GAB1: variants seen among roughly 807,000 people sequenced by gnomAD.
GAB1 encodes GRB2 associated binding protein 1.
A neutral mutation model predicts 66.5 loss-of-function variants in GAB1; 19 were observed. That is an observed-to-expected ratio of 0.29 (90% CI 0.20 to 0.42). The LOEUF (loss-of-function observed/expected upper bound fraction) is 0.42, where lower values mean the gene tolerates loss of function less well. Among genes scored for constraint, GAB1 ranks in the 10% least tolerant of loss-of-function variants. The probability of loss-of-function intolerance (pLI) is 1.00; values close to 1 mark genes in which losing one functional copy is unlikely to be tolerated. For synonymous variants in GAB1, 294 were observed against 301.4 expected, an observed-to-expected ratio of 0.98 and a Z score of 0.25; for missense variants, 732 against 858.5, an observed-to-expected ratio of 0.85 and a Z score of 1.84.
chr4:143,341,348 A>T (rs1179228639), intron 1 of GAB1, among the ~76,000 whole-genome samples: 2 of 152,250 alleles, frequency 1.3e-5, no homozygotes, highest in African/African-American at 4.8e-5. Context: ...TGAAATTTTC[A>T]TCAGAACCTG....
chr4:143,434,369 T>A (rs1560767240), intron 3 of GAB1, among the ~76,000 whole-genome samples: 2 of 149,984 alleles, frequency 1.3e-5, no homozygotes, highest in East Asian at 3.9e-4. Flanking sequence ...TATTTATCTT[T>A]TTTTTTTTTT....
chr4:143,464,969 T>G (rs1377903470), intron 8 of GAB1, among the ~76,000 whole-genome samples: 2 of 152,238 alleles, frequency 1.3e-5, no homozygotes, highest in Non-Finnish European at 2.9e-5. Context: ...TGTATAAATT[T>G]TTAACTTTGT....
chr4:143,471,536 C>T lies in GAB1; in HGVS notation c.*2347C>T, dbSNP rs1179423163. ...TCACATTTATGCTTATTCATTTTGG[C>T]TCATTACTAAGCATAATAAGATTCT... On this transcript the variant is annotated 3_prime_UTR_variant, in exon 10 of 10. Transcript: ENST00000262994. 3.3e-5 allele frequency: 5 copies of T among 152,132 alleles called. No homozygotes were observed. The highest frequency in any genetic ancestry group is 5.9e-5 in the Non-Finnish European group (4 of 68,022). The allele number at this position is 152,132 out of a possible 1,614,324, so 9.4% of individuals were successfully genotyped here.
At chr4:143,380,932 G>T (rs1730634189) in intron 1 of GAB1, among the ~76,000 whole-genome samples, 1 of 152,182 alleles carries the variant, frequency 6.6e-6, no homozygotes, top group Admixed American at 6.5e-5. Context: ...CTGTTGTGTT[G>T]GAATTTTACT....
chr4:143,377,184 G>T (rs1046566192), intron 1 of GAB1, among the ~76,000 whole-genome samples: 1 of 151,882 alleles, frequency 6.6e-6, no homozygotes, highest in African/African-American at 2.4e-5. Context: ...TTTCCGAAAA[G>T]TTGTGGATGA....
intron 1 of GAB1, among the ~76,000 whole-genome samples, chr4:143,346,900 G>C (rs1277036251): frequency 3.3e-5 from 5 of 152,146 alleles, no homozygotes; most frequent in Admixed American, 3.3e-4. Context: ...AAAGAAAAAG[G>C]CACACAATTA....
intron 1 of GAB1, among the ~76,000 whole-genome samples, chr4:143,340,772 G>A (rs1435325046): frequency 2.0e-5 from 3 of 152,192 alleles, no homozygotes; most frequent in African/African-American, 7.2e-5. Flanking sequence ...AAAGTCCTGG[G>A]ATTACAGGCA....
At chr4:143,460,010 A>G (rs1735400589) in intron 7 of GAB1, among the ~76,000 whole-genome samples, 2 of 151,056 alleles carry the variant, frequency 1.3e-5, no homozygotes, top group Non-Finnish European at 3.0e-5. Context: ...TATGTTGAAC[A>G]TATGTTCATG....
At chr4:143,352,263 T>C (rs964862540) in intron 1 of GAB1, among the ~76,000 whole-genome samples, 10 of 152,230 alleles carry the variant, frequency 6.6e-5, no homozygotes, top group South Asian at 4.1e-4. Flanking sequence ...ATAAATTACA[T>C]GTAATCAAGT....
Position 143,440,250 on chromosome 4 carries a change from T to C in GAB1, c.1453T>C (p.Phe485Leu), listed in dbSNP as rs1578719411. 6.2e-7 allele frequency: 1 copy of C among 1,614,132 alleles called. No individual in the cohort carries two copies. Among genetic ancestry groups the C allele is most frequent in the East Asian group, 2.2e-5 (1 of 44,872 alleles). ...TCCAGGAACATTTGATTTTTCCTCA[T>C]TTGGAATGCAAGTTCCTCCTCCTGC... Reference protein sequence around the residue: ...MTPGTFDFSSFGMQVPPPAHM... With the variant: ...MTPGTFDFSSLGMQVPPPAHM... Residue 485 changes from phenylalanine (F) to leucine (L), a missense_variant, in exon 6 of 10, where the codon TTT becomes CTT. Phe to Leu is a conservative substitution (Grantham distance 22). Coordinates refer to ENST00000262994, the MANE Select transcript of GAB1 (RefSeq NM_002039.4).
At chr4:143,391,008 G>A (rs752179288) in intron 1 of GAB1, among the ~76,000 whole-genome samples, 11 of 152,106 alleles carry the variant, frequency 7.2e-5, no homozygotes, top group Non-Finnish European at 1.2e-4. Context: ...TCACATGGCC[G>A]CCCACATCTG....
At chr4:143,457,746 G>A (rs1478298787) in intron 6 of GAB1, 1 of 1,576,366 alleles carries the variant, frequency 6.3e-7, no homozygotes, top group African/African-American at 1.4e-5. Context: ...CAAACCATAG[G>A]TGACTTTGCT....
At position 143,356,082 on chromosome 4, in the gene GAB1, G is replaced by A. The variant is rs377493146; in HGVS notation, c.72+18822G>A. ...CAATGCCTTTTTTTGGGTCGGGGCC[G>A]GGGGGAGACTGGGAGAAAGATGAAT... On this transcript the variant is annotated intron_variant, in intron 1 of 9. Transcript: ENST00000262994. Among the ~76,000 whole-genome samples the A allele has an allele frequency of 3.9e-5, 6 of 152,128 alleles. No individual in the cohort carries two copies. The East Asian group carries it at 5.8e-4, about 15-fold the overall frequency.
intron 1 of GAB1, among the ~76,000 whole-genome samples, chr4:143,399,659 C>T (rs1472233680): frequency 3.9e-5 from 6 of 152,136 alleles, no homozygotes; most frequent in Non-Finnish European, 7.3e-5. Flanking sequence ...TATACTGTGG[C>T]GGAAGTCTTT....
intron 1 of GAB1, among the ~76,000 whole-genome samples, chr4:143,356,209 C>T (rs1369094344): frequency 6.6e-6 from 1 of 151,992 alleles, no homozygotes; most frequent in African/African-American, 2.4e-5. Flanking sequence ...TTTTATTTTA[C>T]CCACAAAAGA....
intron 1 of GAB1, among the ~76,000 whole-genome samples, chr4:143,404,871 G>A (rs1731960548): frequency 6.6e-6 from 1 of 152,158 alleles, no homozygotes; most frequent in Non-Finnish European, 1.5e-5. Context: ...TTCAAGTTTT[G>A]TAGTCACATG....
chr4:143,402,554 A>C (rs776860511), intron 1 of GAB1, among the ~76,000 whole-genome samples: 2 of 152,194 alleles, frequency 1.3e-5, no homozygotes, highest in Non-Finnish European at 2.9e-5. Context: ...GAGTGGAAAA[A>C]TACAGGCCAA....
intron 1 of GAB1, among the ~76,000 whole-genome samples, chr4:143,407,131 C>T (rs574948790): frequency 6.6e-6 from 1 of 152,260 alleles, no homozygotes; most frequent in Admixed American, 6.5e-5. Context: ...TGAAACTATA[C>T]AATATTACCT....
rs28925930 is a variant in GAB1 at position 143,455,864 on chromosome 4, T to G, written c.1586-3521T>G. Among the ~76,000 whole-genome samples, 280 of 152,226 alleles carry G rather than the reference T, an allele frequency of 1.8e-3. 1 individual carries two copies. The highest frequency in any genetic ancestry group is 0.012 in the East Asian group (63 of 5,170). Reference sequence around the variant, plus strand: ...GCTCCAACATAGTATCCAGCTAAATTTCCTAAGATTCTCTATATCCCTAAA... The same window carrying G: ...GCTCCAACATAGTATCCAGCTAAATGTCCTAAGATTCTCTATATCCCTAAA... On this transcript the variant is annotated intron_variant, in intron 6 of 9. Coordinates refer to ENST00000262994, the MANE Select transcript of GAB1 (RefSeq NM_002039.4).
Sources: gnomAD v4.1 joint callset for allele counts (sites outside exome capture counted in the v4.1 genomes callset) on GRCh38, gnomAD v4.1.1 for gene constraint, MANE v1.5 for transcripts, NCBI Gene and HGNC (gene_info 2026-07-23, HGNC 2026-07-21) for gene names.